Variants in FRY observed in about 807,000 individuals in gnomAD.
The protein encoded by FRY is protein furry homolog.
A neutral mutation model predicts 348.4 loss-of-function variants in FRY; 128 were observed. The observed-to-expected ratio is 0.37, with a 90% CI of 0.32 to 0.43. The LOEUF (loss-of-function observed/expected upper bound fraction) is 0.43, where lower values mean the gene tolerates loss of function less well. FRY is among the 20% of genes least tolerant of loss of function. The probability of loss-of-function intolerance (pLI) is 1.00; values close to 1 mark genes in which losing one functional copy is unlikely to be tolerated. For missense variants in FRY, 2,736 were observed against 3,695.2 expected (o/e 0.74, Z 6.73); for synonymous variants, 1,370 against 1,374.7 (o/e 1.00, Z 0.08).
At chr13:32,225,677 A>G (rs1275170646) in intron 38 of FRY, 112 bp from the exon 39 acceptor site, 11 of 908,100 alleles carry the variant, frequency 1.2e-5, no homozygotes, top group Non-Finnish European at 2.0e-5. Context: ...AACAAAGAAA[A>G]CTAAACATTC....
chr13:32,103,785 C>A (rs187228263), intron 3 of FRY, among the ~76,000 whole-genome samples: 3 of 151,972 alleles, frequency 2.0e-5, no homozygotes, highest in Non-Finnish European at 2.9e-5. Context: ...GGAAACATGG[C>A]GAAACCTTGC....
chr13:32,243,921 A>G (rs1386149725), intron 46 of FRY, 121 bp from the exon 47 acceptor site: 6 of 1,093,648 alleles, frequency 5.5e-6, no homozygotes, highest in Non-Finnish European at 8.1e-6. Flanking sequence ...GCAAGACCCC[A>G]TCTCCTAAAA....
intron 29 of FRY, among the ~76,000 whole-genome samples, chr13:32,199,385 G>A (rs1287305512): frequency 6.6e-6 from 1 of 152,212 alleles, no homozygotes; most frequent in African/African-American, 2.4e-5. Flanking sequence ...GAAGACTGAA[G>A]TGAGCCTTAT....
chr13:32,228,766 G>A (rs1455080025), intron 40 of FRY, 112 bp downstream of exon 40: 1 of 894,166 alleles, frequency 1.1e-6, no homozygotes, highest in South Asian at 1.4e-5. Context: ...ACAAAGTCCT[G>A]TTTCTCTTCT....
intron 24 of FRY, among the ~76,000 whole-genome samples, chr13:32,183,478 A>G (rs1407166584): frequency 6.6e-6 from 1 of 152,206 alleles, no homozygotes; most frequent in Non-Finnish European, 1.5e-5. Flanking sequence ...GATAAAAATA[A>G]TAATAAGACT....
At chr13:32,157,135 T>G (rs757580762) in intron 15 of FRY, 138 bp from the exon 16 acceptor site, 8 of 745,770 alleles carry the variant, frequency 1.1e-5, no homozygotes, top group Non-Finnish European at 1.9e-5. Context: ...GCAGATGAGA[T>G]TGAATCAGAC....
chr13:32,095,662 A>G (rs1389851230), intron 2 of FRY, among the ~76,000 whole-genome samples: 3 of 151,868 alleles, frequency 2.0e-5, no homozygotes, highest in African/African-American at 4.8e-5. Context: ...AAGCTTTTTA[A>G]CTTGATGTGA....
chr13:32,071,275 G>T (rs1227979818), intron 1 of FRY, among the ~76,000 whole-genome samples: 1 of 152,066 alleles, frequency 6.6e-6, no homozygotes, highest in Non-Finnish European at 1.5e-5. Flanking sequence ...TGATGGGGAT[G>T]GCATTGAATC....
intron 57 of FRY, among the ~76,000 whole-genome samples, chr13:32,277,309 G>A (rs1193222208): frequency 6.6e-6 from 1 of 152,210 alleles, no homozygotes; most frequent in African/African-American, 2.4e-5. Context: ...CTCAGATGCA[G>A]CATCTGTAAG....
At chr13:32,158,613 T>C (rs1216787817) in intron 16 of FRY, among the ~76,000 whole-genome samples, 2 of 152,126 alleles carry the variant, frequency 1.3e-5, no homozygotes, top group Non-Finnish European at 2.9e-5. Flanking sequence ...ATTTATAATG[T>C]AGAAGATATA....
intron 36 of FRY, 61 bp downstream of exon 36, chr13:32,218,892 G>T: frequency 2.2e-6 from 2 of 915,934 alleles, no homozygotes; most frequent in South Asian, 1.3e-5. Flanking sequence ...GATGGAAAAT[G>T]AGTGTTCTGA....
chr13:32,245,775 A>G (rs967051527), intron 47 of FRY, among the ~76,000 whole-genome samples: 2 of 142,106 alleles, frequency 1.4e-5, no homozygotes, highest in Non-Finnish European at 1.6e-5. Flanking sequence ...CGCCTAGCTC[A>G]AGAGCATAGA....
At chr13:32,238,712 A>C (rs1482823557) in intron 44 of FRY, among the ~76,000 whole-genome samples, 1 of 152,136 alleles carries the variant, frequency 6.6e-6, no homozygotes, top group African/African-American at 2.4e-5. Context: ...AGACTCTCAA[A>C]GTCCTTGGAT....
intron 4 of FRY, among the ~76,000 whole-genome samples, chr13:32,123,927 C>T (rs974864379): frequency 8.5e-5 from 13 of 152,100 alleles, no homozygotes; most frequent in South Asian, 2.1e-4. Flanking sequence ...GTCCGCCTCC[C>T]GGGTTCAGAC....
intron 1 of FRY, among the ~76,000 whole-genome samples, chr13:32,035,473 A>T (rs1872462621): frequency 6.6e-6 from 1 of 152,220 alleles, no homozygotes; most frequent in Non-Finnish European, 1.5e-5. Context: ...GGTTTGCTAG[A>T]GAACAAGTTT....
intron 31 of FRY, among the ~76,000 whole-genome samples, chr13:32,203,044 T>A (rs1028088355): frequency 6.6e-5 from 10 of 152,170 alleles, no homozygotes; most frequent in Non-Finnish European, 1.2e-4. Flanking sequence ...AAGTAAATTC[T>A]ATAATTGTTA....
In FRY at chr13:32,295,673, C is replaced by T. The variant is rs545761887; in HGVS notation, c.*213C>T. 9.0e-5 allele frequency: 54 copies of T among 597,466 alleles called. 1 individual carries two copies. In the Middle Eastern group the frequency reaches 2.7e-3, roughly 30 times the overall value. The allele number at this position is 597,466 out of a possible 1,614,324, so 37.0% of individuals were successfully genotyped here. A position where few individuals can be genotyped will look rare whatever the true frequency, so the allele number is the denominator to read the frequency against. ...CTTAGAACGTCCTGGACAGACTCCA[C>T]TCATCATGCTGTGTGGCACAAATGT... On this transcript the variant is annotated 3_prime_UTR_variant, in exon 61 of 61. Coordinates refer to ENST00000542859, the MANE Select transcript of FRY (RefSeq NM_023037.3).
chr13:32,046,929 A>AC (rs1264548962), intron 1 of FRY, among the ~76,000 whole-genome samples: 4 of 152,194 alleles, frequency 2.6e-5, no homozygotes, highest in African/African-American at 9.7e-5. Flanking sequence ...TGGGACTGTT[A>AC]CGATCATGTG....
chr13:32,283,160 A>G (rs1888896669), intron 58 of FRY, among the ~76,000 whole-genome samples: 2 of 151,884 alleles, frequency 1.3e-5, no homozygotes, highest in Admixed American at 1.3e-4. Flanking sequence ...AAACAAAACA[A>G]CAACAACGAA....
Sources: allele counts gnomAD v4.1 joint callset (sites outside exome capture counted in the v4.1 genomes callset), GRCh38; gene constraint gnomAD v4.1.1; transcripts MANE v1.5; gene names NCBI Gene and HGNC (gene_info 2026-07-23, HGNC 2026-07-21).